Variants in MYH14 observed in about 807,000 individuals in gnomAD.
The protein encoded by MYH14 is myosin heavy chain 14, also known as myosin-14.
A neutral mutation model predicts 255.5 loss-of-function variants in MYH14; 123 were observed. That is an observed-to-expected ratio of 0.48 (90% CI 0.42 to 0.56). The LOEUF (loss-of-function observed/expected upper bound fraction) is 0.56, where lower values mean the gene tolerates loss of function less well. Ranked by LOEUF, MYH14 falls within the 20% of genes least tolerant of loss-of-function variation. MYH14 has a pLI of 0.00. For synonymous variants in MYH14, 1,095 were observed against 1,161.2 expected, an observed-to-expected ratio of 0.94 and a Z score of 1.16; for missense variants, 2,423 against 2,802.3, an observed-to-expected ratio of 0.86 and a Z score of 3.06.
intron 2 of MYH14, among the ~76,000 whole-genome samples, chr19:50,217,142 C>T (rs2032525249): frequency 6.6e-6 from 1 of 152,160 alleles, no homozygotes; most frequent in South Asian, 2.1e-4. Context: ...CAAATGGTAG[C>T]TCCTCACGCA....
At chr19:50,273,132 A>C (rs1258770550) in intron 27 of MYH14, among the ~76,000 whole-genome samples, 1 of 151,876 alleles carries the variant, frequency 6.6e-6, no homozygotes, top group Non-Finnish European at 1.5e-5. Context: ...CTCTACTAAA[A>C]ATACAAAAGT....
intron 24 of MYH14, among the ~76,000 whole-genome samples, chr19:50,269,840 G>A (rs2035228951): frequency 6.6e-6 from 1 of 152,164 alleles, no homozygotes; most frequent in Non-Finnish European, 1.5e-5. Context: ...AAGGCTGGGG[G>A]ACCTTATCTA....
intron 41 of MYH14, among the ~76,000 whole-genome samples, chr19:50,307,881 T>A (rs1395298704): frequency 6.6e-6 from 1 of 152,226 alleles, no homozygotes; most frequent in Non-Finnish European, 1.5e-5. Flanking sequence ...TCGCCATTCA[T>A]TCCACAAACA....
chr19:50,230,351 G>T lies in MYH14; in HGVS notation c.875-174G>T, dbSNP rs2033311151. 6.6e-6 allele frequency among the ~76,000 whole-genome samples: 1 copy of T among 152,238 alleles called. No individual in the cohort carries two copies. The highest frequency in any genetic ancestry group is 1.5e-5 in the Non-Finnish European group (1 of 68,036). On this transcript the variant is annotated intron_variant, in intron 8 of 42. Coordinates refer to ENST00000642316, the MANE Select transcript of MYH14 (RefSeq NM_001145809.2). This position sits in a 1 kb window ranked among gnomAD's most constrained non-coding sequence, Gnocchi z 4.7. ...GAAACTGAGGCACAAGTGCTTAAGT[G>T]ACATGAGCACGGCTGCTCTTCCAGT...
At chr19:50,308,934 T>C in intron 41 of MYH14, 71 bp from the exon 42 acceptor site, 1 of 1,429,820 alleles carries the variant, frequency 7.0e-7, no homozygotes, top group East Asian at 2.5e-5. Flanking sequence ...GGGGCAGTAG[T>C]GGGCTGTTGG....
chr19:50,283,403 A>C (rs1356783439), intron 33 of MYH14, among the ~76,000 whole-genome samples: 1 of 152,240 alleles, frequency 6.6e-6, no homozygotes. Context: ...TATAGGAGTA[A>C]GCTACCGCAC....
chr19:50,249,883 T>G, intron 14 of MYH14, 60 bp downstream of exon 14: 3 of 1,594,628 alleles, frequency 1.9e-6, no homozygotes, highest in Non-Finnish European at 2.6e-6. Context: ...TCCCAGCATC[T>G]GCGAGACCAG....
At chr19:50,207,312 A>AGAGG (rs1438345270) in intron 1 of MYH14, among the ~76,000 whole-genome samples, 1 of 148,248 alleles carries the variant, frequency 6.7e-6, no homozygotes, top group Non-Finnish European at 1.5e-5. Flanking sequence ...AGAGAGAGAG[A>AGAGG]GACTAGGGGC....
At chr19:50,262,935 C>T (rs530789657) in intron 21 of MYH14, among the ~76,000 whole-genome samples, 4 of 152,214 alleles carry the variant, frequency 2.6e-5, no homozygotes, top group African/African-American at 9.6e-5. Flanking sequence ...CATGGTGGCC[C>T]ACCCCTGTAA....
At chr19:50,260,750 T>TGC in intron 20 of MYH14, 35 bp downstream of exon 20, 1 of 1,419,452 alleles carries the variant, frequency 7.0e-7, no homozygotes, top group South Asian at 1.2e-5. Flanking sequence ...CGTGTGTGCG[T>TGC]GTGTGTGTGT....
intron 12 of MYH14, among the ~76,000 whole-genome samples, chr19:50,247,937 G>A (rs1253289898): frequency 6.6e-6 from 1 of 151,964 alleles, no homozygotes; most frequent in Admixed American, 6.6e-5. Flanking sequence ...GCACACGCCT[G>A]TAGTCCCAGC....
Position 50,259,242 on chromosome 19 carries a change from C to G in MYH14, c.2331C>G (p.Ile777Met). Residue 777 changes from isoleucine to methionine, a missense_variant, in exon 19 of 43, where the codon ATC (isoleucine) becomes ATG (methionine). Physicochemically the swap from Ile to Met is conservative, Grantham distance 10 (BLOSUM62 1). Around this residue, in one of 3 missense-constraint regions of MYH14, gnomAD observed 672 missense variants for 881.8 expected, o/e 0.76. Transcript: ENST00000642316. The part of the protein sequence containing the change: ...RICRQGFPNR[I>M]LFQEFRQRYE... ...GTCGCCAGGGCTTCCCCAACCGCAT[C>G]CTCTTCCAGGAGTTCCGGCAGCGGT... 3 of 1,587,264 alleles carry G rather than the reference C, an allele frequency of 1.9e-6. No individual in the cohort carries two copies. The highest frequency in any genetic ancestry group is 1.7e-4 in the Middle Eastern group (1 of 5,926).
chr19:50,249,710 A>G lies in MYH14; in HGVS notation c.1543A>G (p.Asn515Asp). 2.5e-6 allele frequency: 4 copies of G among 1,614,000 alleles called. No individual in the cohort carries two copies. Among genetic ancestry groups the G allele is most frequent in the Non-Finnish European group, 3.4e-6 (4 of 1,179,988 alleles). Residue 515 changes from asparagine to aspartate, a missense_variant, in exon 14 of 43, where the codon AAC (asparagine) becomes GAC (aspartate). Around this residue, in one of 3 missense-constraint regions of MYH14, gnomAD observed 672 missense variants for 881.8 expected, o/e 0.76. Coordinates refer to ENST00000642316, the MANE Select transcript of MYH14 (RefSeq NM_001145809.2). The part of the protein sequence containing the change: ...YTNEKLQQLF[N>D]HTMFVLEQEE... ...CAACGAGAAGCTGCAGCAGCTCTTC[A>G]ACCACACCATGTTCGTGCTGGAGCA...
In MYH14 at chr19:50,268,156, C is replaced by G; in HGVS notation, c.2827-5C>G. 1 of 1,542,292 alleles carries G rather than the reference C, an allele frequency of 6.5e-7. No homozygotes were observed. On this transcript the variant is annotated splice_polypyrimidine_tract_variant and splice_region_variant and intron_variant, in intron 23 of 42. Transcript: ENST00000642316. ...CTGACCACTAACCTCCCACACACTC[C>G]CCAGCTGGAAGAGGAGCGCGCCCGC...
At chr19:50,220,411 T>G (rs2032759818) in intron 3 of MYH14, among the ~76,000 whole-genome samples, 1 of 149,422 alleles carries the variant, frequency 6.7e-6, no homozygotes, top group South Asian at 2.1e-4. Context: ...ACTTTATATT[T>G]ATTTTATTAT....
intron 41 of MYH14, among the ~76,000 whole-genome samples, chr19:50,307,952 C>T (rs1054098831): frequency 1.3e-5 from 2 of 152,104 alleles, no homozygotes; most frequent in South Asian, 2.1e-4. Flanking sequence ...TGGATGTGAA[C>T]GAAACAGAGG....
chr19:50,217,783 G>T lies in MYH14; in HGVS notation c.562+12G>T. The stretch of plus-strand genomic sequence containing the variant: ...GAGCATGCTGCAGGGTGAGTGCTGG[G>T]TGGGGCTGTAGGCCAGCGAGGCGGC... On this transcript the variant is annotated intron_variant, in intron 3 of 42. Transcript: ENST00000642316. 3 of 1,611,470 alleles carry T rather than the reference G, an allele frequency of 1.9e-6. No individual in the cohort carries two copies. Among genetic ancestry groups the T allele is most frequent in the Non-Finnish European group, 2.5e-6 (3 of 1,178,632 alleles).
At position 50,266,553 on chromosome 19, in the gene MYH14, T is replaced by C. The variant is rs2035088536; in HGVS notation, c.2695-324T>C. On this transcript the variant is annotated intron_variant, in intron 22 of 42. Transcript: ENST00000642316. This position sits in a 1 kb window ranked among gnomAD's most constrained non-coding sequence, Gnocchi z 4.1. ...CAGCCTGGGCGAGAGAGCAAGACTC[T>C]GTCGAAAGGAAGGAAGGAAGGGAGG... Among the ~76,000 whole-genome samples, 1 of 151,930 alleles carries C rather than the reference T, an allele frequency of 6.6e-6. No individual in the cohort carries two copies. The highest frequency in any genetic ancestry group is 1.9e-4 in the East Asian group (1 of 5,182).
chr19:50,211,382 CCTAT>C (rs1244830365), intron 2 of MYH14, among the ~76,000 whole-genome samples: 22 of 152,040 alleles, frequency 1.4e-4, no homozygotes, highest in Non-Finnish European at 2.4e-4. Flanking sequence ...GTGCTAAATG[CCTAT>C]CTATTAATTC....
Sources: gnomAD v4.1 joint callset for allele counts (sites outside exome capture counted in the v4.1 genomes callset) on GRCh38, gnomAD v4.1.1 for gene constraint, gnomAD v4.1.1 regional missense constraint, Gnocchi (gnomAD v3.1) non-coding constraint, MANE v1.5 for transcripts, NCBI Gene and HGNC (gene_info 2026-07-23, HGNC 2026-07-21) for gene names.